Variants in FAM149A observed in about 807,000 individuals in gnomAD.
FAM149A encodes the protein protein FAM149A.
Under a neutral mutation model 78.2 loss-of-function variants are expected in FAM149A, and 71 were observed. The ratio of observed to expected loss-of-function variants is 0.91; its 90% CI spans 0.75 to 1.11. The LOEUF (loss-of-function observed/expected upper bound fraction) is 1.11, where lower values mean the gene tolerates loss of function less well. FAM149A is among the 50% of genes least tolerant of loss of function. FAM149A has a pLI of 0.00. For missense variants in FAM149A, 1,036 were observed against 971.0 expected (o/e 1.07, Z -0.89); for synonymous variants, 446 against 410.5 (o/e 1.09, Z -1.04).
intron 13 of FAM149A, chr4:186,167,509 CTCAAAA>C: frequency 3.7e-6 from 1 of 272,580 alleles, no homozygotes; most frequent in Non-Finnish European, 6.4e-6. Flanking sequence ...GGGGGCCTCA[CTCAAAA>C]AAAAAAAAAA....
chr4:186,153,864 C>G, intron 5 of FAM149A, 94 bp downstream of exon 5: 4 of 1,412,152 alleles, frequency 2.8e-6, no homozygotes, highest in Non-Finnish European at 3.8e-6. Flanking sequence ...TTGGCTCCAC[C>G]CATTTTGGAA....
chr4:186,154,418 G>A (rs181966048), intron 5 of FAM149A, 50 bp from the exon 6 acceptor site: 49 of 1,481,808 alleles, frequency 3.3e-5, no homozygotes, highest in East Asian at 9.2e-5. Context: ...TAAGCATTGC[G>A]TTCTTGGTGT....
chr4:186,109,287 G>A (rs2099310242), intron 1 of FAM149A: 2 of 794,220 alleles, frequency 2.5e-6, no homozygotes, highest in Non-Finnish European at 3.0e-6. Context: ...ATAAGTCATA[G>A]TTATTAGCAA....
intron 3 of FAM149A, chr4:186,150,967 G>T (rs1001912580): frequency 1.1e-6 from 1 of 917,520 alleles, no homozygotes; most frequent in African/African-American, 1.8e-5. Flanking sequence ...TGATCCGCCT[G>T]CCTGGGCCTC....
intron 6 of FAM149A, chr4:186,155,002 G>T (rs935878899): frequency 6.6e-5 from 63 of 948,182 alleles, no homozygotes; most frequent in Admixed American, 1.2e-4. Flanking sequence ...TCGCTCTGTC[G>T]CCCAGGCTAG....
At chr4:186,116,955 C>G (rs554205415) in intron 1 of FAM149A, among the ~76,000 whole-genome samples, 3 of 152,322 alleles carry the variant, frequency 2.0e-5, no homozygotes, top group African/African-American at 7.2e-5. Context: ...AGATTGAAGT[C>G]AGATCGAATT....
chr4:186,150,557 C>A (rs574600429), intron 3 of FAM149A, among the ~76,000 whole-genome samples: 2 of 99,394 alleles, frequency 2.0e-5, no homozygotes, highest in Non-Finnish European at 4.1e-5. Context: ...GTAGCTGGGA[C>A]CACAGGCGCC....
At chr4:186,157,988 C>T (rs1446208097) in intron 8 of FAM149A, 1 of 1,495,814 alleles carries the variant, frequency 6.7e-7, no homozygotes. Context: ...CCACCCTTGG[C>T]TTCCAGATGG....
At chr4:186,122,335 G>A (rs1239439271) in intron 1 of FAM149A, among the ~76,000 whole-genome samples, 1 of 152,200 alleles carries the variant, frequency 6.6e-6, no homozygotes, top group East Asian at 1.9e-4. Flanking sequence ...TTGGATGCTA[G>A]TTTAAAAATA....
intron 1 of FAM149A, among the ~76,000 whole-genome samples, chr4:186,136,992 C>CTCTCTCTCTCTCTCTCTCTCTT (rs2099323485): frequency 2.4e-5 from 3 of 126,790 alleles, no homozygotes; most frequent in South Asian, 5.8e-4. Flanking sequence ...CTCTCTCTCT[C>CTCTCTCTCTCTCTCTCTCTCTT]TCTCTCTCTC....
intron 1 of FAM149A, 113 bp downstream of exon 1, chr4:186,105,755 C>A: frequency 1.3e-6 from 1 of 747,316 alleles, no homozygotes; most frequent in Non-Finnish European, 1.7e-6. Context: ...TTTGTAGTAA[C>A]TTTCATAACC....
rs180926224 is a variant in FAM149A, at chr4:186,169,746, C to A, written c.2219-2168C>A. On this transcript the variant is annotated intron_variant, in intron 13 of 13. Transcript: ENST00000389354. ...GGACTGCAGTGACCCCCACTGGGGG[C>A]GTCCAGAGGAGTTACATTAACACGT... 34 of 985,376 alleles carry A rather than the reference C, an allele frequency of 3.5e-5. No individual in the cohort carries two copies. In the Admixed American group the frequency reaches 6.8e-4, roughly 20 times the overall value. 61.0% of individuals were successfully genotyped at this position (985,376 alleles called of 1,614,324 possible).
chr4:186,170,905 C>T (rs1735471046), intron 13 of FAM149A: 1 of 152,284 alleles, frequency 6.6e-6, no homozygotes, highest in African/African-American at 2.4e-5. Flanking sequence ...CGAAGTCAGG[C>T]TGAACCTTGA....
intron 8 of FAM149A, among the ~76,000 whole-genome samples, chr4:186,162,003 A>G (rs1443143805): frequency 6.6e-6 from 1 of 152,226 alleles, no homozygotes; most frequent in Non-Finnish European, 1.5e-5. Flanking sequence ...TGCACCTGTC[A>G]GCCTGTCATC....
intron 1 of FAM149A, among the ~76,000 whole-genome samples, chr4:186,131,261 T>G (rs1455968389): frequency 9.9e-5 from 15 of 151,740 alleles, no homozygotes; most frequent in Non-Finnish European, 2.9e-5. Flanking sequence ...GGCAGGAAAA[T>G]CGCTTGAACC....
At position 186,163,507 on chromosome 4, in the gene FAM149A, C is replaced by G. The variant is rs1387927354; in HGVS notation, c.1763C>G (p.Thr588Ser). ...CACAGACTGGGACGGGCCTCAGACA[C>G]TCATGGATTATCACCTTCTGCAAAG... The change falls in exon 10 of 14, where the codon ACT (threonine) becomes AGT (serine). Residue 588 changes from threonine (T) to serine (S), a missense_variant. Transcript: ENST00000389354. 2 of 1,614,028 alleles carry G rather than the reference C, an allele frequency of 1.2e-6. No homozygotes were observed. The highest frequency in any genetic ancestry group is 1.7e-6 in the Non-Finnish European group (2 of 1,180,006).
chr4:186,105,743 T>C, intron 1 of FAM149A, 101 bp downstream of exon 1: 1 of 834,418 alleles, frequency 1.2e-6, no homozygotes, highest in Non-Finnish European at 1.5e-6. Flanking sequence ...GGAAATGAAA[T>C]ATTTGTAGTA....
At chr4:186,155,082 C>T in intron 6 of FAM149A, 1 of 276,546 alleles carries the variant, frequency 3.6e-6, no homozygotes, top group Non-Finnish European at 5.5e-6. Flanking sequence ...CCTCCCTCAG[C>T]CTCCCGAGTA....
chr4:186,158,393 G>A, intron 8 of FAM149A: 3 of 1,198,222 alleles, frequency 2.5e-6, no homozygotes, highest in Non-Finnish European at 3.2e-6. Flanking sequence ...CACTCAGTGG[G>A]CCTGAAGGGG....
Sources: allele counts gnomAD v4.1 joint callset (sites outside exome capture counted in the v4.1 genomes callset), GRCh38; gene constraint gnomAD v4.1.1; transcripts MANE v1.5; gene names NCBI Gene and HGNC (gene_info 2026-07-23, HGNC 2026-07-21).